The following NEMP2 variants were observed in gnomAD, a reference collection of about 807,000 sequenced individuals.
NEMP2 encodes UPF0571 transmembrane protein.
Under a neutral mutation model 54.2 loss-of-function variants are expected in NEMP2, and 53 were observed. The ratio of observed to expected loss-of-function variants is 0.98; its 90% CI spans 0.78 to 1.23. The LOEUF (loss-of-function observed/expected upper bound fraction) is 1.23. NEMP2 is among the 50% of genes most tolerant of loss of function. The pLI, the probability that NEMP2 is intolerant of heterozygous loss-of-function variation, is 0.00. For missense variants in NEMP2, 455 were observed against 511.3 expected, an observed-to-expected ratio of 0.89 and a Z score of 1.06; for synonymous variants, 197 against 190.3, an observed-to-expected ratio of 1.04 and a Z score of -0.29.
the NEMP2 span, among the ~76,000 whole-genome samples, chr2:190,599,898 GGAGGACTATCCTTGGCAA>G: frequency 6.6e-6 from 1 of 152,044 alleles, no homozygotes; most frequent in East Asian, 1.9e-4. Flanking sequence ...CCCTCACCTG[GGAGGACTATCCTTGGCAA>G]GAGTCAGATC....
At chr2:190,435,132 G>T in the NEMP2 span, among the ~76,000 whole-genome samples, 2 of 152,192 alleles carry the variant, frequency 1.3e-5, no homozygotes, top group African/African-American at 4.8e-5. Context: ...AATGGTTGGG[G>T]ACTACCATCG....
At chr2:190,573,032 A>G in the NEMP2 span, among the ~76,000 whole-genome samples, 1 of 151,594 alleles carries the variant, frequency 6.6e-6, no homozygotes, top group Non-Finnish European at 1.5e-5. Flanking sequence ...CCAAAAGAAA[A>G]TGTGGACATT....
the NEMP2 span, among the ~76,000 whole-genome samples, chr2:190,617,655 C>T: frequency 3.9e-5 from 6 of 152,152 alleles, no homozygotes; most frequent in African/African-American, 2.4e-5. This position sits in a 1 kb window ranked among gnomAD's most constrained non-coding sequence, Gnocchi z 5.0. Flanking sequence ...AATCCTCAGA[C>T]GTTTCTCTGG....
chr2:190,571,441 G>T, the NEMP2 span, among the ~76,000 whole-genome samples: 1 of 152,088 alleles, frequency 6.6e-6, no homozygotes, highest in African/African-American at 2.4e-5. Context: ...TACTCTGGAG[G>T]CCGAGGCAGG....
rs147531175 is a variant in NEMP2 at position 190,529,065 on chromosome 2, G to A, written c.98-3687C>T. 1.5e-3 allele frequency among the ~76,000 whole-genome samples: 224 copies of A among 152,192 alleles called. No homozygotes were observed. The highest frequency in any genetic ancestry group is 1.8e-3 in the Non-Finnish European group (120 of 68,006). ...CTTTTTAAAAACATGAATTGGGCCC[G>A]GGTACAATGGCTCATGCCTGTAATT... On this transcript the variant is annotated intron_variant, in intron 1 of 8. Coordinates refer to ENST00000409150, the MANE Select transcript of NEMP2 (RefSeq NM_001142645.2). The surrounding 1 kb of genome is among the most constrained non-coding windows in gnomAD (Gnocchi z 4.7).
chr2:190,497,748 T>C, the NEMP2 span: 1 of 1,591,994 alleles, frequency 6.3e-7, no homozygotes, highest in South Asian at 1.1e-5. This position sits in a 1 kb window ranked among gnomAD's most constrained non-coding sequence, Gnocchi z 5.2. Context: ...GCTAGCAATA[T>C]TACCTGTCAC....
the NEMP2 span, among the ~76,000 whole-genome samples, chr2:190,558,868 A>G: frequency 6.6e-6 from 1 of 152,256 alleles, no homozygotes; most frequent in Non-Finnish European, 1.5e-5. This position sits in a 1 kb window ranked among gnomAD's most constrained non-coding sequence, Gnocchi z 4.4. Flanking sequence ...ATGCTAATTC[A>G]TACACAGATT....
At chr2:190,492,222 G>C in the NEMP2 span, among the ~76,000 whole-genome samples, 1 of 152,186 alleles carries the variant, frequency 6.6e-6, no homozygotes, top group Non-Finnish European at 1.5e-5. The surrounding 1 kb of genome is among the most constrained non-coding windows in gnomAD (Gnocchi z 5.2). Flanking sequence ...TGAAAGTATG[G>C]AAAACACATT....
the NEMP2 span, among the ~76,000 whole-genome samples, chr2:190,549,135 A>G: frequency 2.0e-5 from 3 of 152,192 alleles, no homozygotes; most frequent in African/African-American, 7.2e-5. Context: ...TTTCATACTT[A>G]CAGTGCAGTT....
the NEMP2 span, among the ~76,000 whole-genome samples, chr2:190,540,729 G>T: frequency 6.6e-6 from 1 of 152,146 alleles, no homozygotes; most frequent in Non-Finnish European, 1.5e-5. Context: ...TTGGTGTCAA[G>T]GTAATGGTGG....
chr2:190,647,059 C>T, the NEMP2 span, among the ~76,000 whole-genome samples: 1 of 152,196 alleles, frequency 6.6e-6, no homozygotes, highest in African/African-American at 2.4e-5. Context: ...TCGTCTTTAA[C>T]ATGACCATCT....
At chr2:190,465,689 G>A in the NEMP2 span, among the ~76,000 whole-genome samples, 1 of 152,106 alleles carries the variant, frequency 6.6e-6, no homozygotes, top group African/African-American at 2.4e-5. This position sits in a 1 kb window ranked among gnomAD's most constrained non-coding sequence, Gnocchi z 4.6. Flanking sequence ...CGGTCTGGGT[G>A]GCTTAAAAAA....
the NEMP2 span, among the ~76,000 whole-genome samples, chr2:190,583,323 G>A: frequency 6.6e-6 from 1 of 151,564 alleles, no homozygotes; most frequent in Non-Finnish European, 1.5e-5. Flanking sequence ...ATCAGAATGA[G>A]TCATTTAGGT....
At chr2:190,500,321 C>T (rs1559148662), downstream of NEMP2, 1 of 1,163,718 alleles carries the variant, frequency 8.6e-7, no homozygotes, top group African/African-American at 1.5e-5. This position sits in a 1 kb window ranked among gnomAD's most constrained non-coding sequence, Gnocchi z 5.3. Flanking sequence ...AGGAGCACAG[C>T]ACTGCATATG....
At chr2:190,460,054 A>G in the NEMP2 span, among the ~76,000 whole-genome samples, 1 of 152,056 alleles carries the variant, frequency 6.6e-6, no homozygotes, top group Non-Finnish European at 1.5e-5. Context: ...ACTGACTCTG[A>G]GCTTTGTGGC....
At chr2:190,599,517 A>G in the NEMP2 span, among the ~76,000 whole-genome samples, 3 of 152,236 alleles carry the variant, frequency 2.0e-5, no homozygotes, top group Non-Finnish European at 4.4e-5. Flanking sequence ...TTAGTAATAT[A>G]TTAAGTATCA....
chr2:190,434,000 G>A, the NEMP2 span, among the ~76,000 whole-genome samples: 11 of 151,918 alleles, frequency 7.2e-5, no homozygotes, highest in Admixed American at 1.3e-4. The surrounding 1 kb of genome is among the most constrained non-coding windows in gnomAD (Gnocchi z 4.5). Context: ...AGAACGGCCT[G>A]GGCAACATGG....
chr2:190,450,241 A>G, the NEMP2 span, among the ~76,000 whole-genome samples: 1 of 152,118 alleles, frequency 6.6e-6, no homozygotes, highest in African/African-American at 2.4e-5. Flanking sequence ...ATACATGGAA[A>G]TATCTGGCAG....
chr2:190,471,026 T>C, the NEMP2 span, among the ~76,000 whole-genome samples: 1 of 152,194 alleles, frequency 6.6e-6, no homozygotes, highest in African/African-American at 2.4e-5. This position sits in a 1 kb window ranked among gnomAD's most constrained non-coding sequence, Gnocchi z 4.7. Context: ...TAAGAAATTA[T>C]TGTTTCTAAT....
Sources: allele counts gnomAD v4.1 joint callset (sites outside exome capture counted in the v4.1 genomes callset), GRCh38; gene constraint gnomAD v4.1.1; non-coding constraint Gnocchi (gnomAD v3.1); transcripts MANE v1.5; gene names NCBI Gene and HGNC (gene_info 2026-07-23, HGNC 2026-07-21).